Variants in DFFB observed in about 807,000 individuals in gnomAD.
DFFB encodes DNA fragmentation factor 40 kDa subunit.
A neutral mutation model predicts 32.7 loss-of-function variants in DFFB; 29 were observed. The ratio of observed to expected loss-of-function variants is 0.89; its 90% CI spans 0.66 to 1.21. DFFB has a LOEUF of 1.21. Among genes scored for constraint, DFFB ranks in the 50% most tolerant of loss-of-function variants. The pLI is 0.00. For synonymous variants in DFFB, 170 were observed against 177.1 expected (o/e 0.96, Z 0.32); for missense variants, 398 against 440.6 (o/e 0.90, Z 0.87).
In DFFB at chr1:3,868,004, GCTAT is replaced by G; in HGVS notation, c.464_467del (p.Tyr155Ter). ...GAGTCCCGATTTCAGAGCAAGTCTG[GCTAT>G]CTGAGATACAGCTGTGAGAGCCGGA... is the stretch of plus-strand genomic sequence containing the variant. On this transcript the variant is annotated frameshift_variant, in exon 4 of 7. Transcript: ENST00000378209. LOFTEE classifies it high-confidence loss of function. 2 of 1,614,124 alleles carry G rather than the reference GCTAT, an allele frequency of 1.2e-6. No homozygotes were observed. Among genetic ancestry groups the G allele is most frequent in the Non-Finnish European group, 1.7e-6 (2 of 1,180,006 alleles).
At chr1:3,870,252 C>T (rs1645084764) in intron 5 of DFFB, among the ~76,000 whole-genome samples, 1 of 152,220 alleles carries the variant, frequency 6.6e-6, no homozygotes, top group Non-Finnish European at 1.5e-5. Context: ...ACACCCCTCC[C>T]CCTCCCATGG....
At position 3,884,391 on chromosome 1, in the gene DFFB, T is replaced by C. The variant is rs561845538; in HGVS notation, c.*650T>C. ...TACTCAAATGGTGTCATGGCTGAAG[T>C]TGGCCACCTTGCTTGAGGGACAAGT... On this transcript the variant is annotated 3_prime_UTR_variant, in exon 7 of 7. Transcript: ENST00000378209. The C allele has an allele frequency of 6.5e-6, 1 of 152,686 alleles. No homozygotes were observed. The highest frequency in any genetic ancestry group is 2.1e-4 in the South Asian group (1 of 4,830). 9.5% of individuals were successfully genotyped at this position (152,686 alleles called of 1,614,324 possible).
intron 6 of DFFB, among the ~76,000 whole-genome samples, chr1:3,877,352 C>T: frequency 1.3e-5 from 1 of 74,292 alleles, no homozygotes; most frequent in Non-Finnish European, 2.5e-5. Context: ...TTTTTTGAGG[C>T]AGAGTCTCAC....
intron 5 of DFFB, 58 bp from the exon 6 acceptor site, chr1:3,872,414 G>GAAAAA: frequency 1.9e-6 from 2 of 1,070,866 alleles, no homozygotes; most frequent in African/African-American, 1.9e-5. Flanking sequence ...GCTGTCTCAA[G>GAAAAA]AAAAAAAAAA....
At position 3,858,708 on chromosome 1, in the gene DFFB, G is replaced by C. The variant is rs148359074; in HGVS notation, c.115-10G>C. 793 of 1,613,018 alleles carry C rather than the reference G, an allele frequency of 4.9e-4. 2 individuals carry two copies. The African/African-American group carries it at 9.8e-3, about 20-fold the overall frequency. ...CCTTCCTCCTCCTGTTGCTTCTCCCGTCCCTGCAGCTCCCTGAGCGCGGTT... is the reference window on the plus strand; with the variant it reads ...CCTTCCTCCTCCTGTTGCTTCTCCCCTCCCTGCAGCTCCCTGAGCGCGGTT... On this transcript the variant is annotated splice_polypyrimidine_tract_variant and intron_variant, in intron 1 of 6. Transcript: ENST00000378209.
chr1:3,868,428 CA>C lies in DFFB; in HGVS notation c.510+376del, dbSNP rs530943167. Among the ~76,000 whole-genome samples the C allele has an allele frequency of 2.8e-4, 43 of 152,246 alleles. No individual in the cohort carries two copies. The East Asian group carries it at 8.1e-3, about 29-fold the overall frequency. On this transcript the variant is annotated intron_variant, in intron 4 of 6. Transcript: ENST00000378209. ...TTTGCCCAACTGTGACCAAGGTCAG[CA>C]GGTGCTACAGGGATCTGAGGCCCTT... is the stretch of plus-strand genomic sequence containing the variant.
intron 2 of DFFB, among the ~76,000 whole-genome samples, chr1:3,859,247 T>A (rs1644832367): frequency 6.6e-6 from 1 of 151,936 alleles, no homozygotes; most frequent in Non-Finnish European, 1.5e-5. Context: ...AGGTGGTGGT[T>A]CGTGGGATGC....
Position 3,865,583 on chromosome 1 carries a change from TA to T in DFFB, c.242-226del. On this transcript the variant is annotated intron_variant, in intron 2 of 6. Coordinates refer to ENST00000378209, the MANE Select transcript of DFFB (RefSeq NM_004402.4). The surrounding 1 kb of genome is among the most constrained non-coding windows in gnomAD (Gnocchi z 4.7). ...TCTTGGTGCGCTTTCATCTGTCCTCTAAAGCACACCCTGCCCCTCCCTCCTC... is the reference window on the plus strand; with the variant it reads ...TCTTGGTGCGCTTTCATCTGTCCTCTAAGCACACCCTGCCCCTCCCTCCTC... The T allele has an allele frequency of 1.5e-6, 1 of 671,234 alleles. No individual in the cohort carries two copies. The allele number at this position is 671,234 out of a possible 1,614,324, so 41.6% of individuals were successfully genotyped here.
chr1:3,873,729 T>G (rs944867154), intron 6 of DFFB, among the ~76,000 whole-genome samples: 1 of 152,142 alleles, frequency 6.6e-6, no homozygotes, highest in African/African-American at 2.4e-5. Context: ...TCCGCCCGCC[T>G]CAGTCTCCCA....
At position 3,859,686 on chromosome 1, in the gene DFFB, G is replaced by C. The variant is rs181019101; in HGVS notation, c.241+842G>C. Among the ~76,000 whole-genome samples, 131 of 152,342 alleles carry C rather than the reference G, an allele frequency of 8.6e-4. 2 individuals are homozygous for C. The East Asian group carries it at 0.024, about 28-fold the overall frequency. ...GGCTCCACTGTCAGCATTGAGGGGT[G>C]ACGCCTCTGGTGTGTGCTCCAAGGT... On this transcript the variant is annotated intron_variant, in intron 2 of 6. Coordinates refer to ENST00000378209, the MANE Select transcript of DFFB (RefSeq NM_004402.4).
rs899185149 is a variant in DFFB, at chr1:3,878,957, G to A, written c.783-4550G>A. Among the ~76,000 whole-genome samples, 10 of 152,128 alleles carry A rather than the reference G, an allele frequency of 6.6e-5. No individual in the cohort carries two copies. The South Asian group carries it at 8.3e-4, about 13-fold the overall frequency. The stretch of plus-strand genomic sequence containing the variant: ...CTCTACTCAGCATTTGAAAAGGTCC[G>A]TTCAACTTCCACTCTTGAGTAATTA... On this transcript the variant is annotated intron_variant, in intron 6 of 6. Coordinates refer to ENST00000378209, the MANE Select transcript of DFFB (RefSeq NM_004402.4).
At position 3,865,876 on chromosome 1, in the gene DFFB, C is replaced by T. The variant is rs753490602; in HGVS notation, c.306C>T (p.Ala102=). Residue 102 remains alanine, a synonymous_variant, in exon 3 of 7, where the codon GCC becomes GCT. Coordinates refer to ENST00000378209, the MANE Select transcript of DFFB (RefSeq NM_004402.4). This position sits in a 1 kb window ranked among gnomAD's most constrained non-coding sequence, Gnocchi z 4.7. ...AGCCACAGGTGGGGCTCATCCAGGC[C>T]GCCCAGCAGCTGCTGTGTGATGAGC... is the stretch of plus-strand genomic sequence containing the variant. ...FHEPQVGLIQ[A]AQQLLCDEQA... The T allele has an allele frequency of 1.4e-5, 23 of 1,613,920 alleles. No homozygotes were observed. The highest frequency in any genetic ancestry group is 2.2e-5 in the East Asian group (1 of 44,862).
intron 6 of DFFB, among the ~76,000 whole-genome samples, chr1:3,879,012 G>T (rs1645282807): frequency 6.6e-6 from 1 of 152,190 alleles, no homozygotes; most frequent in Non-Finnish European, 1.5e-5. Context: ...TAGGATGACA[G>T]ATACCTACCT....
At position 3,872,374 on chromosome 1, in the gene DFFB, C is replaced by T. The variant is rs1570926524; in HGVS notation, c.682-98C>T. ...GTTGTAGTAAGCCGAGATCGGGCCA[C>T]TGCACTCCAGCCTGGCGACAGAGCG... On this transcript the variant is annotated intron_variant, in intron 5 of 6. Coordinates refer to ENST00000378209, the MANE Select transcript of DFFB (RefSeq NM_004402.4). The T allele has an allele frequency of 9.3e-6, 8 of 863,728 alleles. No homozygotes were observed. The East Asian group carries it at 2.0e-4, about 22-fold the overall frequency. The allele number at this position is 863,728 out of a possible 1,614,324, so 53.5% of individuals were successfully genotyped here. A position where few individuals can be genotyped will look rare whatever the true frequency, so the allele number is the denominator to read the frequency against.
chr1:3,866,197 G>C, intron 3 of DFFB, 197 bp downstream of exon 3: 1 of 689,924 alleles, frequency 1.4e-6, no homozygotes, highest in South Asian at 1.5e-5. Context: ...GGACTCAGGT[G>C]GGGCCAGAGT....
At chr1:3,857,770 T>A in intron 1 of DFFB, 53 bp downstream of exon 1, 2 of 1,247,218 alleles carry the variant, frequency 1.6e-6, no homozygotes, top group Non-Finnish European at 2.1e-6. Context: ...GTGGGGAGAA[T>A]AGGAGGTGCC....
intron 2 of DFFB, chr1:3,860,349 C>T (rs1234576433): frequency 3.0e-6 from 1 of 334,254 alleles, no homozygotes; most frequent in Admixed American, 2.7e-5. Context: ...GCCTCAGCCT[C>T]CCAAGTATCT....
At position 3,858,711 on chromosome 1, in the gene DFFB, C is replaced by T; in HGVS notation, c.115-7C>T. 1 of 1,613,204 alleles carries T rather than the reference C, an allele frequency of 6.2e-7. No individual in the cohort carries two copies. The highest frequency in any genetic ancestry group is 1.1e-5 in the South Asian group (1 of 91,028). ...TCCTCCTCCTGTTGCTTCTCCCGTC[C>T]CTGCAGCTCCCTGAGCGCGGTTCCC... On this transcript the variant is annotated splice_region_variant and splice_polypyrimidine_tract_variant and intron_variant, in intron 1 of 6. Transcript: ENST00000378209.
chr1:3,874,024 G>C (rs1276548875), intron 6 of DFFB, among the ~76,000 whole-genome samples: 1 of 152,200 alleles, frequency 6.6e-6, no homozygotes, highest in Non-Finnish European at 1.5e-5. Flanking sequence ...CTTGTGAAAG[G>C]TGTGTGTGCC....
Sources: allele counts gnomAD v4.1 joint callset (sites outside exome capture counted in the v4.1 genomes callset), GRCh38; gene constraint gnomAD v4.1.1; non-coding constraint Gnocchi (gnomAD v3.1); transcripts MANE v1.5; gene names NCBI Gene and HGNC (gene_info 2026-07-23, HGNC 2026-07-21).